Variants in CNTNAP5 observed in about 807,000 individuals in gnomAD.
CNTNAP5 encodes contactin associated protein family member 5.
A neutral mutation model predicts 150.2 loss-of-function variants in CNTNAP5; 72 were observed. That is an observed-to-expected ratio of 0.48 (90% CI 0.40 to 0.58). The LOEUF is 0.58. Among genes scored for constraint, CNTNAP5 ranks in the 20% least tolerant of loss-of-function variants. The pLI is 0.00. For synonymous variants in CNTNAP5, 672 were observed against 619.8 expected (o/e 1.08, Z -1.25); for missense variants, 1,636 against 1,626.2 (o/e 1.01, Z -0.10).
At chr2:124,377,259 T>C (rs1031099456) in intron 3 of CNTNAP5, among the ~76,000 whole-genome samples, 1 of 152,094 alleles carries the variant, frequency 6.6e-6, no homozygotes, top group Non-Finnish European at 1.5e-5. Flanking sequence ...ATAGAAGGAT[T>C]TATTCTTCAA....
chr2:124,898,837 C>A (rs371508726), intron 21 of CNTNAP5, among the ~76,000 whole-genome samples: 1 of 151,412 alleles, frequency 6.6e-6, no homozygotes, highest in African/African-American at 2.5e-5. Context: ...TTTACTATTA[C>A]TGCTAACTAC....
At chr2:124,875,638 T>C (rs1253385025) in intron 21 of CNTNAP5, among the ~76,000 whole-genome samples, 1 of 151,926 alleles carries the variant, frequency 6.6e-6, no homozygotes, top group African/African-American at 2.4e-5. Flanking sequence ...ACTCAAGAAA[T>C]GTTGGCTTAT....
At chr2:124,605,372 TG>T (rs1201812340) in intron 11 of CNTNAP5, among the ~76,000 whole-genome samples, 2 of 152,232 alleles carry the variant, frequency 1.3e-5, no homozygotes, top group Admixed American at 1.3e-4. Flanking sequence ...TTGCTGAAGC[TG>T]GTTGTGATGC....
At chr2:124,717,528 A>G (rs75396160) in intron 13 of CNTNAP5, among the ~76,000 whole-genome samples, 6,597 of 152,276 alleles carry the variant, frequency 0.043, 508 homozygotes, top group African/African-American at 0.15. Flanking sequence ...GTGTGCCTAC[A>G]AGTCATTTGA....
intron 1 of CNTNAP5, among the ~76,000 whole-genome samples, chr2:124,220,991 G>A (rs1033751352): frequency 2.6e-5 from 4 of 152,048 alleles, no homozygotes; most frequent in African/African-American, 7.2e-5. Context: ...CTCAAGACAA[G>A]CATCTTTGCT....
chr2:124,494,438 C>T (rs1694103334), intron 7 of CNTNAP5, among the ~76,000 whole-genome samples: 1 of 152,054 alleles, frequency 6.6e-6, no homozygotes, highest in South Asian at 2.1e-4. Flanking sequence ...TCTCTAGGCC[C>T]CTAGCAGGTT....
chr2:124,828,210 G>A (rs141608045), intron 19 of CNTNAP5, among the ~76,000 whole-genome samples: 67 of 152,248 alleles, frequency 4.4e-4, no homozygotes, highest in African/African-American at 1.5e-3. Flanking sequence ...GGCCAGACGC[G>A]TTGGCTCACA....
At position 124,185,313 on chromosome 2, in the gene CNTNAP5, ACCC is replaced by A. The variant is rs1159205857; in HGVS notation, c.83-36391_83-36389del. Among the ~76,000 whole-genome samples the A allele has an allele frequency of 4.6e-5, 7 of 152,254 alleles. No individual in the cohort carries two copies. The East Asian group carries it at 1.4e-3, about 29-fold the overall frequency. On this transcript the variant is annotated intron_variant, in intron 1 of 23. Coordinates refer to ENST00000682447, the MANE Select transcript of CNTNAP5 (RefSeq NM_001367498.1). ...TTTTGGCTTGTGAACTCATATTGCC[ACCC>A]ACTGGACTGTAAGCTGCCAAAAGGC... is the stretch of plus-strand genomic sequence containing the variant.
chr2:124,798,054 C>T, intron 18 of CNTNAP5, 42 bp from the exon 19 acceptor site: 1 of 1,467,134 alleles, frequency 6.8e-7, no homozygotes, highest in Non-Finnish European at 9.4e-7. Flanking sequence ...AACAATGGAT[C>T]TAAAGGTTTC....
At chr2:124,775,160 A>G (rs1290470694) in intron 17 of CNTNAP5, among the ~76,000 whole-genome samples, 1 of 152,164 alleles carries the variant, frequency 6.6e-6, no homozygotes, top group Non-Finnish European at 1.5e-5. Flanking sequence ...GAATTTTCCT[A>G]TTTAGAGTTC....
chr2:124,227,640 A>ATGTGTGTG (rs200129722), intron 2 of CNTNAP5, among the ~76,000 whole-genome samples: 7,546 of 143,306 alleles, frequency 0.053, 236 homozygotes, highest in South Asian at 0.077. Flanking sequence ...CATCGTGTGT[A>ATGTGTGTG]TGTGTGTGTG....
intron 22 of CNTNAP5, among the ~76,000 whole-genome samples, chr2:124,905,398 C>T (rs893600794): frequency 2.0e-5 from 3 of 151,954 alleles, no homozygotes; most frequent in Admixed American, 6.6e-5. Context: ...TATTAAAACT[C>T]GAATCCTATT....
chr2:124,523,253 A>T (rs882950), intron 8 of CNTNAP5, among the ~76,000 whole-genome samples: 47,931 of 152,138 alleles, frequency 0.32, 7,748 homozygotes, highest in South Asian at 0.46. Context: ...TTAAGTACAA[A>T]CATTGTCCTC....
intron 11 of CNTNAP5, among the ~76,000 whole-genome samples, chr2:124,576,632 G>A (rs1696288005): frequency 6.6e-6 from 1 of 152,084 alleles, no homozygotes; most frequent in African/African-American, 2.4e-5. Context: ...GTGTTTAATG[G>A]CAATGCAGTA....
intron 14 of CNTNAP5, among the ~76,000 whole-genome samples, chr2:124,747,677 T>C (rs924497806): frequency 3.5e-5 from 5 of 142,012 alleles, no homozygotes; most frequent in African/African-American, 8.0e-5. Flanking sequence ...TGGAGTGCAG[T>C]GTCGCGATCT....
At chr2:124,658,076 G>A (rs1460028443) in intron 13 of CNTNAP5, among the ~76,000 whole-genome samples, 2 of 152,182 alleles carry the variant, frequency 1.3e-5, no homozygotes, top group South Asian at 2.1e-4. Context: ...AGGGACAATT[G>A]AGTGAATAGT....
At chr2:124,909,947 C>A (rs1162443841) in intron 22 of CNTNAP5, among the ~76,000 whole-genome samples, 1 of 149,190 alleles carries the variant, frequency 6.7e-6, no homozygotes, top group Non-Finnish European at 1.5e-5. Context: ...CAAGTTTTTT[C>A]CACCAGACCC....
intron 3 of CNTNAP5, among the ~76,000 whole-genome samples, chr2:124,255,041 T>C (rs1474014308): frequency 6.6e-6 from 1 of 152,144 alleles, no homozygotes; most frequent in Non-Finnish European, 1.5e-5. Flanking sequence ...AAAGAAAGAA[T>C]GCAGGTTAGC....
At chr2:124,616,009 G>A (rs774097647) in intron 12 of CNTNAP5, among the ~76,000 whole-genome samples, 1 of 152,110 alleles carries the variant, frequency 6.6e-6, no homozygotes, top group Non-Finnish European at 1.5e-5. Context: ...AGTAAACCAT[G>A]CTGTCAACAA....
Sources: gnomAD v4.1 joint callset for allele counts (sites outside exome capture counted in the v4.1 genomes callset) on GRCh38, gnomAD v4.1.1 for gene constraint, MANE v1.5 for transcripts, NCBI Gene and HGNC (gene_info 2026-07-23, HGNC 2026-07-21) for gene names.